The following NTRK2 variants were observed in gnomAD, a reference collection of about 807,000 sequenced individuals.
NTRK2 encodes neurotrophic receptor tyrosine kinase 2.
A neutral mutation model predicts 94.5 loss-of-function variants in NTRK2; 13 were observed. That is an observed-to-expected ratio of 0.14 (90% confidence interval 0.09 to 0.22). The LOEUF (loss-of-function observed/expected upper bound fraction) is 0.22, where lower values mean the gene tolerates loss of function less well. Among genes scored for constraint, NTRK2 ranks in the 10% least tolerant of loss-of-function variants. The pLI is 1.00. For synonymous variants in NTRK2, 372 were observed against 407.4 expected, an observed-to-expected ratio of 0.91 and a Z score of 1.05; for missense variants, 639 against 1,071.2, an observed-to-expected ratio of 0.60 and a Z score of 5.63.
chr9:84,977,821 G>T (rs899982501), intron 17 of NTRK2, among the ~76,000 whole-genome samples: 3 of 152,170 alleles, frequency 2.0e-5, no homozygotes, highest in Non-Finnish European at 2.9e-5. Flanking sequence ...AACTGCATGG[G>T]CTCACTTCAT....
intron 14 of NTRK2, among the ~76,000 whole-genome samples, chr9:84,890,048 G>A (rs1178856762): frequency 6.6e-6 from 1 of 152,210 alleles, no homozygotes; most frequent in Non-Finnish European, 1.5e-5. Flanking sequence ...TTGCTTACAT[G>A]AGTAAAATGA....
chr9:84,988,411 G>A (rs1055222305), intron 17 of NTRK2, among the ~76,000 whole-genome samples: 1 of 152,048 alleles, frequency 6.6e-6, no homozygotes, highest in African/African-American at 2.4e-5. Flanking sequence ...ATCACCCTGG[G>A]AACTTAATCT....
At chr9:84,722,950 T>C (rs1466369772) in intron 6 of NTRK2, among the ~76,000 whole-genome samples, 1 of 152,228 alleles carries the variant, frequency 6.6e-6, no homozygotes, top group African/African-American at 2.4e-5. Flanking sequence ...CTATAATATT[T>C]AACTATGATT....
intron 14 of NTRK2, among the ~76,000 whole-genome samples, chr9:84,887,154 T>C (rs1398401176): frequency 2.6e-5 from 4 of 152,226 alleles, no homozygotes; most frequent in African/African-American, 9.6e-5. Context: ...AAATCAATGA[T>C]TTGTGGCAGT....
Position 84,867,095 on chromosome 9 carries a change from A to G in NTRK2, c.1445-148A>G. On this transcript the variant is annotated intron_variant, in intron 13 of 18. Coordinates refer to ENST00000277120, the MANE Select transcript of NTRK2 (RefSeq NM_006180.6). ...AACTGGGTGATGAAAATGTCCTACA[A>G]GTAGATTATAGTGATTATTGTACTA... 6 of 729,030 alleles carry G rather than the reference A, an allele frequency of 8.2e-6. No individual in the cohort carries two copies. The South Asian group carries it at 1.1e-4, about 13-fold the overall frequency. 45.2% of individuals were successfully genotyped at this position (729,030 alleles called of 1,614,324 possible). A position where few individuals can be genotyped will look rare whatever the true frequency, so the allele number is the denominator to read the frequency against.
At chr9:84,785,868 A>G (rs1307262573) in intron 12 of NTRK2, among the ~76,000 whole-genome samples, 2 of 152,202 alleles carry the variant, frequency 1.3e-5, no homozygotes, top group Non-Finnish European at 2.9e-5. Context: ...ATGGCTAGTC[A>G]TTGTGGACAA....
intron 15 of NTRK2, among the ~76,000 whole-genome samples, chr9:84,937,651 A>AT (rs1000245130): frequency 3.6e-4 from 55 of 151,288 alleles, no homozygotes; most frequent in Non-Finnish European, 6.1e-4. Flanking sequence ...TCTATCAACC[A>AT]TTTTTTTTTC....
chr9:84,763,773 T>C (rs918216399), intron 12 of NTRK2, among the ~76,000 whole-genome samples: 4 of 152,174 alleles, frequency 2.6e-5, no homozygotes, highest in African/African-American at 9.6e-5. Context: ...GATTTAAAAA[T>C]GCCTTTTATA....
chr9:84,841,551 T>C (rs576496519), intron 12 of NTRK2, among the ~76,000 whole-genome samples: 9 of 152,206 alleles, frequency 5.9e-5, no homozygotes, highest in Non-Finnish European at 1.3e-4. Flanking sequence ...CCCTACAGCA[T>C]TTGTATCTGT....
intron 12 of NTRK2, among the ~76,000 whole-genome samples, chr9:84,780,021 A>G (rs2067411007): frequency 6.6e-6 from 1 of 152,114 alleles, no homozygotes; most frequent in Non-Finnish European, 1.5e-5. Context: ...TTAGAAAATA[A>G]GGCATTATAA....
intron 4 of NTRK2, among the ~76,000 whole-genome samples, chr9:84,705,516 C>T (rs1264632016): frequency 2.0e-5 from 3 of 152,178 alleles, no homozygotes; most frequent in Non-Finnish European, 2.9e-5. Context: ...CCGCTCTTTG[C>T]GGTGCTGCTG....
At chr9:84,963,637 G>C (rs922407749) in intron 17 of NTRK2, among the ~76,000 whole-genome samples, 1 of 151,664 alleles carries the variant, frequency 6.6e-6, no homozygotes, top group Non-Finnish European at 1.5e-5. Context: ...TGGGTTTATA[G>C]TTTTCATCAG....
chr9:84,735,811 A>G (rs1036648050), intron 9 of NTRK2, among the ~76,000 whole-genome samples: 2 of 152,228 alleles, frequency 1.3e-5, no homozygotes, highest in African/African-American at 2.4e-5. Context: ...TTGAAATTCA[A>G]TCCTCCATAT....
intron 13 of NTRK2, among the ~76,000 whole-genome samples, chr9:84,862,818 G>A (rs1415491623): frequency 6.6e-6 from 1 of 152,110 alleles, no homozygotes; most frequent in Non-Finnish European, 1.5e-5. Flanking sequence ...GGGAGGGAGG[G>A]TAAACAGGTT....
intron 12 of NTRK2, among the ~76,000 whole-genome samples, chr9:84,857,530 A>G (rs1188114495): frequency 6.6e-6 from 1 of 152,212 alleles, no homozygotes; most frequent in Non-Finnish European, 1.5e-5. Context: ...CCATCAAGAA[A>G]GAGCTGTTGA....
rs193285512 is a variant in NTRK2 at position 84,760,702 on chromosome 9, G to A, written c.1396+8617G>A. Among the ~76,000 whole-genome samples the A allele has an allele frequency of 2.1e-3, 321 of 152,274 alleles. 1 individual carries two copies. Among genetic ancestry groups the A allele is most frequent in the African/African-American group, 7.2e-3 (300 of 41,564 alleles). ...ATTGATTGATTGATTTGGTATGTAG[G>A]TTTTAGCAGTTTTTCAGGGGAGAAA... On this transcript the variant is annotated intron_variant, in intron 12 of 18. Transcript: ENST00000277120.
At chr9:84,955,997 G>A (rs2586566) in intron 17 of NTRK2, among the ~76,000 whole-genome samples, 103,464 of 151,992 alleles carry the variant, frequency 0.68, 36,392 homozygotes, top group Non-Finnish European at 0.78. Flanking sequence ...AGCGTGGTGG[G>A]TGAGATCTCC....
intron 12 of NTRK2, among the ~76,000 whole-genome samples, chr9:84,810,036 A>G (rs919449378): frequency 2.0e-5 from 3 of 152,242 alleles, no homozygotes; most frequent in Non-Finnish European, 4.4e-5. Context: ...AGCTGGGGAA[A>G]GAAAATCAGG....
At chr9:84,835,478 C>T (rs540366467) in intron 12 of NTRK2, among the ~76,000 whole-genome samples, 1 of 151,884 alleles carries the variant, frequency 6.6e-6, no homozygotes, top group Non-Finnish European at 1.5e-5. Flanking sequence ...GCTAAAGCCA[C>T]GGGATATGTT....
Sources: gnomAD v4.1 joint callset for allele counts (sites outside exome capture counted in the v4.1 genomes callset) on GRCh38, gnomAD v4.1.1 for gene constraint, MANE v1.5 for transcripts, NCBI Gene and HGNC (gene_info 2026-07-23, HGNC 2026-07-21) for gene names.